The following ITCH variants were observed in gnomAD, a reference collection of about 807,000 sequenced individuals.
ITCH encodes the protein itchy E3 ubiquitin protein ligase, also known as E3 ubiquitin-protein ligase Itchy homolog.
In ITCH, 28 loss-of-function variants were observed where a neutral mutation model predicts 126.8. That is an observed-to-expected ratio of 0.22 (90% confidence interval 0.16 to 0.30). The LOEUF (loss-of-function observed/expected upper bound fraction) is 0.30, where lower values mean the gene tolerates loss of function less well. Among genes scored for constraint, ITCH ranks in the 10% least tolerant of loss-of-function variants. ITCH has a pLI of 1.00. For missense variants in ITCH, 631 were observed against 1,032.4 expected (o/e 0.61, Z 5.33); for synonymous variants, 342 against 340.0 (o/e 1.01, Z -0.06).
At chr20:34,385,962 G>C (rs1210993350) in intron 2 of ITCH, among the ~76,000 whole-genome samples, 1 of 152,090 alleles carries the variant, frequency 6.6e-6, no homozygotes, top group East Asian at 1.9e-4. Flanking sequence ...GAGGGGTTTT[G>C]GGTTTCTTCC....
chr20:34,437,035 A>G (rs112902836), intron 7 of ITCH, among the ~76,000 whole-genome samples: 126 of 152,170 alleles, frequency 8.3e-4, no homozygotes, highest in African/African-American at 2.9e-3. Flanking sequence ...AGGCTGAGGC[A>G]TGAGAACTGC....
chr20:34,490,006 C>A, intron 22 of ITCH, 80 bp downstream of exon 22: 1 of 991,528 alleles, frequency 1.0e-6, no homozygotes, highest in Non-Finnish European at 1.6e-6. Context: ...AAATGAGTCA[C>A]AGGTCAAAAT....
At chr20:34,491,329 T>TA (rs969005017) in intron 22 of ITCH, among the ~76,000 whole-genome samples, 44 of 152,188 alleles carry the variant, frequency 2.9e-4, no homozygotes, top group African/African-American at 1.0e-3. Flanking sequence ...TAATTCCACT[T>TA]ACATGAGGTT....
At chr20:34,381,837 T>C (rs6058029) in intron 2 of ITCH, among the ~76,000 whole-genome samples, 83,475 of 149,298 alleles carry the variant, frequency 0.56, 23,862 homozygotes, top group African/African-American at 0.67. Context: ...GTACCCTAGC[T>C]CTGTCAACAG....
intron 2 of ITCH, among the ~76,000 whole-genome samples, chr20:34,371,279 CTTTTTTTTTTTTT>C (rs770951963): frequency 2.6e-4 from 31 of 118,478 alleles, no homozygotes; most frequent in African/African-American, 9.6e-4. Flanking sequence ...ATCACTTCTT[CTTTTTTTTTTTTT>C]TTTTTTTTTT....
intron 6 of ITCH, chr20:34,417,045 G>A (rs1979965465): frequency 1.8e-6 from 1 of 565,098 alleles, no homozygotes; most frequent in Non-Finnish European, 3.3e-6. Context: ...GAGTAGCTAG[G>A]ATTACAGGCA....
intron 12 of ITCH, among the ~76,000 whole-genome samples, chr20:34,453,950 C>T (rs1170700915): frequency 2.7e-5 from 4 of 150,676 alleles, no homozygotes; most frequent in East Asian, 2.0e-4. Context: ...GCTGAGATCG[C>T]GCCACTGCAC....
intron 12 of ITCH, 142 bp downstream of exon 12, chr20:34,449,622 T>G (rs1324037462): frequency 3.7e-5 from 24 of 642,236 alleles, no homozygotes. Context: ...TTAATATATA[T>G]ATCAGTTTAA....
At chr20:34,499,141 A>AT (rs572782585) in intron 23 of ITCH, among the ~76,000 whole-genome samples, 315 of 151,264 alleles carry the variant, frequency 2.1e-3, no homozygotes, top group Non-Finnish European at 3.6e-3. Context: ...TGCTCGGCTA[A>AT]TTTTTTGTCT....
At chr20:34,389,995 C>T (rs1429465871) in intron 2 of ITCH, among the ~76,000 whole-genome samples, 1 of 152,044 alleles carries the variant, frequency 6.6e-6, no homozygotes, top group African/African-American at 2.4e-5. Context: ...GTTGTGGGTG[C>T]CTGTAGTCCC....
chr20:34,505,032 T>G (rs957012642), intron 24 of ITCH, among the ~76,000 whole-genome samples: 2 of 152,146 alleles, frequency 1.3e-5, no homozygotes, highest in African/African-American at 2.4e-5. Context: ...AGTGGGGTTT[T>G]TTTGTTTGTT....
intron 13 of ITCH, among the ~76,000 whole-genome samples, chr20:34,461,707 TA>T (rs1986523103): frequency 2.7e-5 from 1 of 37,482 alleles, no homozygotes; most frequent in Admixed American, 3.9e-4. Flanking sequence ...AGACTCCATC[TA>T]TAAAAAAAAA....
chr20:34,445,663 A>G (rs1482506722), intron 11 of ITCH, among the ~76,000 whole-genome samples: 3 of 152,092 alleles, frequency 2.0e-5, no homozygotes, highest in African/African-American at 7.2e-5. Context: ...CTTAAGTCCA[A>G]CTTCCTCTTC....
In ITCH at chr20:34,477,715, G is replaced by A. The variant is rs1232564449; in HGVS notation, c.1570-57G>A. 7 of 1,505,018 alleles carry A rather than the reference G, an allele frequency of 4.7e-6. No homozygotes were observed. The East Asian group carries it at 1.4e-4, about 29-fold the overall frequency. 93.2% of individuals were successfully genotyped at this position (1,505,018 alleles called of 1,614,324 possible). On this transcript the variant is annotated intron_variant, in intron 16 of 24. Transcript: ENST00000374864. ...CGAAGGAGATGTCAAACCTAGAAGTGGTAGACAGTGTTTCAATAGCTTTTT... is the reference window on the plus strand; with the variant it reads ...CGAAGGAGATGTCAAACCTAGAAGTAGTAGACAGTGTTTCAATAGCTTTTT...
intron 18 of ITCH, 97 bp from the exon 19 acceptor site, chr20:34,480,502 C>T (rs950917907): frequency 7.6e-6 from 11 of 1,439,894 alleles, no homozygotes. Context: ...ATGCCTGACC[C>T]AGGGAAGTGT....
At chr20:34,364,671 G>A (rs1368692826) in intron 1 of ITCH, among the ~76,000 whole-genome samples, 4 of 128,170 alleles carry the variant, frequency 3.1e-5, no homozygotes, top group Non-Finnish European at 6.4e-5. Flanking sequence ...ATGAGGTCAG[G>A]AGTTCGAGAC....
intron 2 of ITCH, among the ~76,000 whole-genome samples, chr20:34,390,408 T>C (rs1484273352): frequency 6.6e-6 from 1 of 151,970 alleles, no homozygotes; most frequent in Non-Finnish European, 1.5e-5. Flanking sequence ...TATAATGTCT[T>C]CTGTAATACA....
intron 6 of ITCH, among the ~76,000 whole-genome samples, chr20:34,414,481 T>TG: frequency 6.7e-6 from 1 of 149,972 alleles, no homozygotes; most frequent in East Asian, 1.9e-4. Context: ...TTTTTTTTTT[T>TG]TTAAGACGGA....
At chr20:34,432,230 T>C (rs1223434130) in intron 7 of ITCH, among the ~76,000 whole-genome samples, 1 of 152,154 alleles carries the variant, frequency 6.6e-6, no homozygotes, top group Non-Finnish European at 1.5e-5. Context: ...TAAATTGATT[T>C]TAAAAAATTA....
Sources: gnomAD v4.1 joint callset for allele counts (sites outside exome capture counted in the v4.1 genomes callset) on GRCh38, gnomAD v4.1.1 for gene constraint, MANE v1.5 for transcripts, NCBI Gene and HGNC (gene_info 2026-07-23, HGNC 2026-07-21) for gene names.